The following GTF2A2 variants were observed in gnomAD, a reference collection of about 807,000 sequenced individuals.
GTF2A2 encodes the protein transcription initiation factor IIA subunit 2.
In GTF2A2, 9 loss-of-function variants were observed where a neutral mutation model predicts 14.3. The observed-to-expected ratio is 0.63, with a 90% CI of 0.38 to 1.10. GTF2A2 has a LOEUF of 1.10. Ranked by LOEUF, GTF2A2 falls within the 50% of genes least tolerant of loss-of-function variation. GTF2A2 has a pLI of 0.01. For missense variants in GTF2A2, 90 were observed against 124.6 expected (o/e 0.72, Z 1.32); for synonymous variants, 56 against 46.0 (o/e 1.22, Z -0.88).
chr15:59,639,055 TAAA>T lies in GTF2A2; in HGVS notation c.*74_*76del. The T allele has an allele frequency of 7.0e-6, 6 of 861,734 alleles. No individual in the cohort carries two copies. Among genetic ancestry groups the T allele is most frequent in the African/African-American group, 1.7e-5 (1 of 59,304 alleles). 53.4% of individuals were successfully genotyped at this position (861,734 alleles called of 1,614,324 possible). A position where few individuals can be genotyped will look rare whatever the true frequency, so the allele number is the denominator to read the frequency against. On this transcript the variant is annotated 3_prime_UTR_variant, in exon 5 of 5. Transcript: ENST00000396060. Reference sequence around the variant, plus strand: ...GTCATTTCTGCAATTCTAGAATAAATAAAAAGTCTCTTCTATGCTTCTCTTCAA... The same window carrying T: ...GTCATTTCTGCAATTCTAGAATAAATAAGTCTCTTCTATGCTTCTCTTCAA...
At chr15:59,640,611 T>A (rs1322225103) in intron 4 of GTF2A2, among the ~76,000 whole-genome samples, 2 of 152,204 alleles carry the variant, frequency 1.3e-5, no homozygotes, top group East Asian at 3.8e-4. Flanking sequence ...ACAGAACATG[T>A]CCGTGCTAAA....
intron 4 of GTF2A2, among the ~76,000 whole-genome samples, chr15:59,640,567 G>A (rs1346380624): frequency 6.6e-6 from 1 of 152,142 alleles, no homozygotes; most frequent in Non-Finnish European, 1.5e-5. Context: ...CACATTTCAA[G>A]TACAACAGCC....
intron 3 of GTF2A2, among the ~76,000 whole-genome samples, chr15:59,644,050 A>G (rs1891522484): frequency 6.6e-6 from 1 of 151,688 alleles, no homozygotes; most frequent in Non-Finnish European, 1.5e-5. Flanking sequence ...GTCTGCCACC[A>G]TGTCAGACTT....
chr15:59,646,084 T>G (rs961561091), intron 3 of GTF2A2, among the ~76,000 whole-genome samples: 6 of 150,314 alleles, frequency 4.0e-5, no homozygotes, highest in Admixed American at 2.0e-4. Context: ...TGAGACAGAG[T>G]CTTGCTGTGT....
intron 1 of GTF2A2, among the ~76,000 whole-genome samples, chr15:59,656,640 TG>T (rs1286804542): frequency 5.3e-5 from 8 of 151,926 alleles, no homozygotes; most frequent in African/African-American, 1.9e-4. Flanking sequence ...ATAATATGCG[TG>T]TGGGAGGGGA....
chr15:59,653,972 C>G (rs1891869014), intron 1 of GTF2A2, among the ~76,000 whole-genome samples: 1 of 152,184 alleles, frequency 6.6e-6, no homozygotes, highest in Admixed American at 6.5e-5. Context: ...TAGCCAGAAT[C>G]TGACAGCTTC....
chr15:59,645,668 T>G (rs1469468969), intron 3 of GTF2A2, among the ~76,000 whole-genome samples: 3 of 152,138 alleles, frequency 2.0e-5, no homozygotes, highest in African/African-American at 7.2e-5. Context: ...TCTGGAAAGC[T>G]AAACAGCTAG....
chr15:59,641,181 C>A lies in GTF2A2; in HGVS notation c.304+955G>T, dbSNP rs980408118. On this transcript the variant is annotated intron_variant, in intron 4 of 4. Transcript: ENST00000396060. ...CCAGCCTGGGCAATACAGCAAGACT[C>A]TTTTTTTTTTTTTTTTTTTAAGGCT... Among the ~76,000 whole-genome samples the A allele has an allele frequency of 4.2e-5, 6 of 141,382 alleles. No homozygotes were observed. The South Asian group carries it at 1.4e-3, about 32-fold the overall frequency. 92.8% of individuals were successfully genotyped at this position (141,382 alleles called of 152,430 possible).
chr15:59,652,028 C>A, intron 2 of GTF2A2, 178 bp downstream of exon 2: 2 of 508,734 alleles, frequency 3.9e-6, no homozygotes, highest in East Asian at 3.5e-5. Context: ...TGTTTTGTGT[C>A]CTGTTGTCAG....
Position 59,638,858 on chromosome 15 carries a change from G to GTTAT in GTF2A2, c.*270_*273dup, listed in dbSNP as rs1425633046. On this transcript the variant is annotated 3_prime_UTR_variant, in exon 5 of 5. Coordinates refer to ENST00000396060, the MANE Select transcript of GTF2A2 (RefSeq NM_004492.3). ...TATTGCTACCTTAATAGCTTCACCAGTTATTACTCAGAGTTTTAAAATGAG... is the reference window on the plus strand; with the variant it reads ...TATTGCTACCTTAATAGCTTCACCAGTTATTTATTACTCAGAGTTTTAAAATGAG... 8.4e-6 allele frequency: 3 copies of GTTAT among 357,892 alleles called. No individual in the cohort carries two copies. Among genetic ancestry groups the GTTAT allele is most frequent in the African/African-American group, 2.1e-5 (1 of 47,028 alleles). 22.2% of individuals were successfully genotyped at this position (357,892 alleles called of 1,614,324 possible). A position where few individuals can be genotyped will look rare whatever the true frequency, so the allele number is the denominator to read the frequency against.
intron 3 of GTF2A2, chr15:59,644,211 A>C (rs1489760365): frequency 2.0e-5 from 3 of 152,244 alleles, no homozygotes; most frequent in African/African-American, 7.2e-5. Flanking sequence ...TTTTAAAAAG[A>C]ATGTGATGAA....
intron 1 of GTF2A2, among the ~76,000 whole-genome samples, chr15:59,655,000 A>G (rs922174496): frequency 7.9e-5 from 12 of 151,242 alleles, no homozygotes; most frequent in African/African-American, 2.9e-4. Context: ...GTACCCATAT[A>G]CTCTCCCTCC....
intron 3 of GTF2A2, among the ~76,000 whole-genome samples, chr15:59,645,708 C>T (rs1595669862): frequency 6.6e-6 from 1 of 152,112 alleles, no homozygotes; most frequent in Non-Finnish European, 1.5e-5. Context: ...TTTCCAGCAT[C>T]CTGAAGTTGT....
chr15:59,652,634 T>C (rs1891829742), intron 1 of GTF2A2, among the ~76,000 whole-genome samples: 1 of 152,200 alleles, frequency 6.6e-6, no homozygotes, highest in Non-Finnish European at 1.5e-5. Flanking sequence ...CCATGTACTG[T>C]CCTTTCTACC....
At chr15:59,640,964 AG>A (rs1445262431) in intron 4 of GTF2A2, among the ~76,000 whole-genome samples, 3 of 152,238 alleles carry the variant, frequency 2.0e-5, no homozygotes, top group Non-Finnish European at 4.4e-5. Flanking sequence ...AACTATAACA[AG>A]TCCCCAACAA....
intron 4 of GTF2A2, among the ~76,000 whole-genome samples, chr15:59,641,633 C>T (rs2141956525): frequency 6.6e-6 from 1 of 150,478 alleles, no homozygotes; most frequent in Admixed American, 6.6e-5. Context: ...ATTTAAGGAC[C>T]TGAAGAAGTT....
At chr15:59,650,821 G>C in intron 2 of GTF2A2, 48 bp from the exon 3 acceptor site, 1 of 978,550 alleles carries the variant, frequency 1.0e-6, no homozygotes, top group Non-Finnish European at 1.6e-6. Flanking sequence ...GAACATTAAA[G>C]ACAAAGTAAA....
intron 3 of GTF2A2, among the ~76,000 whole-genome samples, chr15:59,647,102 A>G (rs1302464922): frequency 1.3e-5 from 2 of 152,008 alleles, no homozygotes; most frequent in Non-Finnish European, 1.5e-5. Context: ...ACATACATAT[A>G]GTTTTTTTGA....
chr15:59,655,143 TC>T (rs1175052247), intron 1 of GTF2A2, among the ~76,000 whole-genome samples: 1 of 152,194 alleles, frequency 6.6e-6, no homozygotes, highest in Non-Finnish European at 1.5e-5. Context: ...TCCCTCACCA[TC>T]AAATTTTCCC....
Sources: allele counts gnomAD v4.1 joint callset (sites outside exome capture counted in the v4.1 genomes callset), GRCh38; gene constraint gnomAD v4.1.1; transcripts MANE v1.5; gene names NCBI Gene and HGNC (gene_info 2026-07-23, HGNC 2026-07-21).